The following CLTC variants were observed in gnomAD, a reference collection of about 807,000 sequenced individuals.
The protein encoded by CLTC is clathrin heavy chain 1.
In CLTC, 16 loss-of-function variants were observed where a neutral mutation model predicts 195.8. The ratio of observed to expected loss-of-function variants is 0.08; its 90% CI spans 0.06 to 0.12. The LOEUF (loss-of-function observed/expected upper bound fraction) is 0.12, where lower values mean the gene tolerates loss of function less well. CLTC is among the 10% of genes least tolerant of loss of function. The pLI is 1.00. For missense variants in CLTC, 796 were observed against 2,027.0 expected (o/e 0.39, Z 11.66); for synonymous variants, 667 against 689.4 (o/e 0.97, Z 0.51).
intron 14 of CLTC, among the ~76,000 whole-genome samples, chr17:59,671,792 A>G (rs1396299794): frequency 6.6e-6 from 1 of 152,076 alleles, no homozygotes; most frequent in African/African-American, 2.4e-5. Context: ...GCCCTGTACT[A>G]CTATTCTCTC....
At chr17:59,645,062 T>A (rs527272388) in intron 2 of CLTC, among the ~76,000 whole-genome samples, 32 of 152,364 alleles carry the variant, frequency 2.1e-4, no homozygotes, top group African/African-American at 7.7e-4. Context: ...TTAAATTTTG[T>A]ATCTGGTATA....
intron 28 of CLTC, 53 bp downstream of exon 28, chr17:59,684,038 TC>T: frequency 8.4e-7 from 1 of 1,188,814 alleles, no homozygotes; most frequent in Non-Finnish European, 1.2e-6. Flanking sequence ...AGTTATGTTT[TC>T]CCATTTTTTA....
At chr17:59,675,266 C>T (rs2032941214) in intron 16 of CLTC, among the ~76,000 whole-genome samples, 1 of 151,988 alleles carries the variant, frequency 6.6e-6, no homozygotes, top group Non-Finnish European at 1.5e-5. Context: ...AAAAGAGTTC[C>T]CTGTGCAACT....
rs963456009 is a variant in CLTC, at chr17:59,695,276, C to T, written c.*1424C>T. ...AATCCTCAATAGCTACACATACCCC[C>T]TTGCCTAGTTAGTCTTGCACTGCTT... is the stretch of plus-strand genomic sequence containing the variant. On this transcript the variant is annotated 3_prime_UTR_variant, in exon 32 of 32. Transcript: ENST00000269122. The T allele has an allele frequency of 5.2e-6, 1 of 191,824 alleles. No homozygotes were observed. Among genetic ancestry groups the T allele is most frequent in the African/African-American group, 2.3e-5 (1 of 42,988 alleles). 11.9% of individuals were successfully genotyped at this position (191,824 alleles called of 1,614,324 possible). A position where few individuals can be genotyped will look rare whatever the true frequency, so the allele number is the denominator to read the frequency against.
chr17:59,643,499 G>C (rs2143494619), intron 1 of CLTC, among the ~76,000 whole-genome samples: 1 of 152,208 alleles, frequency 6.6e-6, no homozygotes, highest in Middle Eastern at 3.4e-3. Context: ...TCCTTAAGTA[G>C]CTCCCTTCGC....
chr17:59,649,579 C>T (rs918092106), intron 4 of CLTC, among the ~76,000 whole-genome samples: 8 of 152,134 alleles, frequency 5.3e-5, no homozygotes, highest in Admixed American at 5.2e-4. Context: ...AGATTCTAGG[C>T]AGACCAAAAA....
At chr17:59,636,155 A>G (rs1296050860) in intron 1 of CLTC, among the ~76,000 whole-genome samples, 5 of 151,918 alleles carry the variant, frequency 3.3e-5, no homozygotes, top group East Asian at 1.9e-4. Context: ...AAAACAGTCT[A>G]TATCATAATA....
chr17:59,686,265 CCT>C (rs2033181682), intron 30 of CLTC, among the ~76,000 whole-genome samples: 1 of 151,262 alleles, frequency 6.6e-6, no homozygotes, highest in South Asian at 2.1e-4. Flanking sequence ...TAGTTTAACC[CCT>C]GATTTAAAAA....
At position 59,695,079 on chromosome 17, in the gene CLTC, T is replaced by C. The variant is rs770159317; in HGVS notation, c.*1227T>C. On this transcript the variant is annotated 3_prime_UTR_variant, in exon 32 of 32. Coordinates refer to ENST00000269122, the MANE Select transcript of CLTC (RefSeq NM_004859.4). ...TTAAATGAACAAATCATGGCTGTTA[T>C]ATTAACTTGAAATAAAATATATTTA... 1 of 206,092 alleles carries C rather than the reference T, an allele frequency of 4.9e-6. No individual in the cohort carries two copies. Among genetic ancestry groups the C allele is most frequent in the Non-Finnish European group, 9.9e-6 (1 of 100,784 alleles). 12.8% of individuals were successfully genotyped at this position (206,092 alleles called of 1,614,324 possible).
intron 6 of CLTC, among the ~76,000 whole-genome samples, chr17:59,656,529 T>C (rs1038161075): frequency 6.6e-6 from 1 of 152,176 alleles, no homozygotes; most frequent in African/African-American, 2.4e-5. Flanking sequence ...GTGATATGTT[T>C]CAGTACCTCT....
chr17:59,674,115 G>A (rs1453984242), intron 15 of CLTC, among the ~76,000 whole-genome samples: 5 of 151,748 alleles, frequency 3.3e-5, no homozygotes, highest in African/African-American at 7.3e-5. Flanking sequence ...AAAATTCTAC[G>A]TGCTTCCCTA....
intron 1 of CLTC, among the ~76,000 whole-genome samples, chr17:59,630,817 GTTCT>G (rs2031690134): frequency 6.6e-6 from 1 of 152,170 alleles, no homozygotes; most frequent in Non-Finnish European, 1.5e-5. Context: ...GGACATTTGG[GTTCT>G]TTCTACCTTT....
chr17:59,637,717 T>C (rs1236121132), intron 1 of CLTC, among the ~76,000 whole-genome samples: 1 of 142,620 alleles, frequency 7.0e-6, no homozygotes, highest in Non-Finnish European at 1.5e-5. Context: ...AAAAAAAAAA[T>C]TAGCTGGGCA....
rs2032732785 is a variant in CLTC, at chr17:59,666,376, T to C, written c.1783-104T>C. On this transcript the variant is annotated intron_variant, in intron 11 of 31. Coordinates refer to ENST00000269122, the MANE Select transcript of CLTC (RefSeq NM_004859.4). This position sits in a 1 kb window ranked among gnomAD's most constrained non-coding sequence, Gnocchi z 4.9. ...AAATGTAGCTATTATAATATTCTTT[T>C]GTACTTTAACAGTTCACTATTAAAC... The C allele has an allele frequency of 2.3e-5, 34 of 1,492,548 alleles. No individual in the cohort carries two copies. The highest frequency in any genetic ancestry group is 3.1e-5 in the Non-Finnish European group (34 of 1,098,568). The allele number at this position is 1,492,548 out of a possible 1,614,324, so 92.5% of individuals were successfully genotyped here.
intron 6 of CLTC, chr17:59,658,919 T>C (rs905129461): frequency 2.0e-5 from 3 of 152,330 alleles, no homozygotes; most frequent in Non-Finnish European, 2.9e-5. Flanking sequence ...AAGTAAAATC[T>C]TGGAGGTTGA....
intron 5 of CLTC, among the ~76,000 whole-genome samples, chr17:59,655,365 C>T (rs958595487): frequency 1.3e-4 from 20 of 152,082 alleles, no homozygotes; most frequent in Admixed American, 9.2e-4. Context: ...ATTCATCACA[C>T]CCCAAAATAA....
chr17:59,677,145 G>A lies in CLTC; in HGVS notation c.2753G>A (p.Cys918Tyr), dbSNP rs781264006. Residue 918 changes from cysteine to tyrosine, a missense_variant, in exon 17 of 32, where the codon TGT becomes TAT. Physicochemically the swap from Cys to Tyr is radical, Grantham distance 194 (BLOSUM62 -2). Transcript: ENST00000269122. ...GAGAAGAGAGATCCACATCTGGCCT[G>A]TGTTGCTTATGAACGTGGCCAATGT... ...YCEKRDPHLA[C>Y]VAYERGQCDL... The A allele has an allele frequency of 7.4e-6, 12 of 1,614,002 alleles. No homozygotes were observed. Among genetic ancestry groups the A allele is most frequent in the Non-Finnish European group, 8.5e-7 (1 of 1,179,996 alleles).
chr17:59,637,986 TTAAA>T (rs1348236239), intron 1 of CLTC, among the ~76,000 whole-genome samples: 1 of 132,544 alleles, frequency 7.5e-6, no homozygotes, highest in Non-Finnish European at 1.5e-5. Context: ...AAAACAAACT[TTAAA>T]AAAAAAAAGG....
intron 1 of CLTC, among the ~76,000 whole-genome samples, chr17:59,634,132 C>A (rs1228468605): frequency 3.3e-5 from 5 of 152,238 alleles, no homozygotes; most frequent in Admixed American, 6.5e-5. Context: ...TGGTCTTGAA[C>A]ACCTGGGCTC....
Sources: allele counts gnomAD v4.1 joint callset (sites outside exome capture counted in the v4.1 genomes callset), GRCh38; gene constraint gnomAD v4.1.1; non-coding constraint Gnocchi (gnomAD v3.1); transcripts MANE v1.5; gene names NCBI Gene and HGNC (gene_info 2026-07-23, HGNC 2026-07-21).